Variants in PRUNE1 observed in about 807,000 individuals in gnomAD.
PRUNE1 encodes the protein prune exopolyphosphatase 1.
PRUNE1 carries 25 observed loss-of-function variants against 42.5 expected under a neutral mutation model. The observed-to-expected ratio is 0.59, with a 90% CI of 0.43 to 0.82. PRUNE1 has a LOEUF of 0.82. Among genes scored for constraint, PRUNE1 ranks in the 40% least tolerant of loss-of-function variants. PRUNE1 has a pLI of 0.00. For missense variants in PRUNE1, 443 were observed against 539.3 expected (o/e 0.82, Z 1.77); for synonymous variants, 203 against 217.1 (o/e 0.93, Z 0.57).
At chr1:151,030,558 T>A (rs1675181579) in intron 7 of PRUNE1, among the ~76,000 whole-genome samples, 1 of 152,158 alleles carries the variant, frequency 6.6e-6, no homozygotes, top group African/African-American at 2.4e-5. Flanking sequence ...TGGTGTGATC[T>A]TGGCTCACTG....
Position 151,018,529 on chromosome 1 carries a change from G to T in PRUNE1, c.195G>T (p.Leu65=). 6.2e-7 allele frequency: 1 copy of T among 1,613,562 alleles called. No homozygotes were observed. Residue 65 remains leucine, a synonymous_variant, in exon 3 of 8, where the codon CTG becomes CTT. Transcript: ENST00000271620. ...VLNIKRSELP[L]RGDIVFFLQK... is the part of the protein sequence containing the mutation. Reference sequence around the variant, plus strand: ...ATATAAAACGTTCTGAACTACCTCTGCGAGGTGACATTGTCTTCTTTCTTC... The same window carrying T: ...ATATAAAACGTTCTGAACTACCTCTTCGAGGTGACATTGTCTTCTTTCTTC...
In PRUNE1 at chr1:151,023,793, G is replaced by A. The variant is rs1263430361; in HGVS notation, c.336-818G>A. ...AAGGGTATAGGGTTGGAAAGGCAAC[G>A]CTAAAGGACAGCAAATGTGGGGGTA... On this transcript the variant is annotated intron_variant, in intron 3 of 7. Coordinates refer to ENST00000271620, the MANE Select transcript of PRUNE1 (RefSeq NM_021222.3). Among the ~76,000 whole-genome samples, 7 of 151,078 alleles carry A rather than the reference G, an allele frequency of 4.6e-5. No individual in the cohort carries two copies. In the South Asian group the frequency reaches 8.4e-4, roughly 18 times the overall value.
At chr1:151,027,415 A>G in intron 6 of PRUNE1, 88 bp downstream of exon 6, 1 of 906,598 alleles carries the variant, frequency 1.1e-6, no homozygotes, top group Non-Finnish European at 1.7e-6. Context: ...TTCCTGGCTC[A>G]CCTCCAAAAT....
chr1:151,029,633 C>A (rs1008064684), intron 7 of PRUNE1, among the ~76,000 whole-genome samples: 8 of 151,600 alleles, frequency 5.3e-5, no homozygotes, highest in African/African-American at 1.9e-4. Flanking sequence ...TCCCAAAGTG[C>A]TGGGATTACA....
rs759040906 is a variant in PRUNE1 at position 151,028,862 on chromosome 1, C to T, written c.851C>T (p.Ala284Val). ...GCTCACAGCTATGATGTCCTGGTTGCCATGACTATCTTTTTCAACACTCAC... is the reference window on the plus strand; with the variant it reads ...GCTCACAGCTATGATGTCCTGGTTGTCATGACTATCTTTTTCAACACTCAC... Reference protein sequence around the residue: ...CQAHSYDVLVAMTIFFNTHNE... With the variant: ...CQAHSYDVLVVMTIFFNTHNE... Residue 284 changes from alanine (A) to valine (V), a missense_variant, in exon 7 of 8, where the codon GCC (alanine) becomes GTC (valine). By Grantham distance (64) the Ala-to-Val change is moderately conservative. Coordinates refer to ENST00000271620, the MANE Select transcript of PRUNE1 (RefSeq NM_021222.3). 1 of 1,613,990 alleles carries T rather than the reference C, an allele frequency of 6.2e-7. No homozygotes were observed. Among genetic ancestry groups the T allele is most frequent in the South Asian group, 1.1e-5 (1 of 91,080 alleles).
intron 4 of PRUNE1, among the ~76,000 whole-genome samples, 164 bp from the exon 5 acceptor site, chr1:151,025,351 G>A (rs1482959661): frequency 6.6e-6 from 1 of 152,104 alleles, no homozygotes; most frequent in East Asian, 1.9e-4. Flanking sequence ...TTGGATTTGG[G>A]AGGTCTGAGG....
At chr1:151,018,038 C>A in intron 2 of PRUNE1, 134 bp downstream of exon 2, 1 of 643,638 alleles carries the variant, frequency 1.6e-6, no homozygotes, top group Non-Finnish European at 2.7e-6. Flanking sequence ...GAGTCTCATG[C>A]CACCATCCAT....
chr1:151,024,711 G>T lies in PRUNE1; in HGVS notation c.436G>T (p.Gly146Trp), dbSNP rs1674713735. 2 of 1,614,088 alleles carry T rather than the reference G, an allele frequency of 1.2e-6. No individual in the cohort carries two copies. The highest frequency in any genetic ancestry group is 1.7e-6 in the Non-Finnish European group (2 of 1,180,012). The change falls in exon 4 of 8, where the codon GGG (glycine) becomes TGG (tryptophan). Residue 146 changes from glycine to tryptophan, a missense_variant. Transcript: ENST00000271620. ...CTGCCATGTTTCAGTTGAGCTGGTG[G>T]GGTCCTGTGCTACCCTGGTGACCGA... ...PPCHVSVELV[G>W]SCATLVTERI...
intron 3 of PRUNE1, among the ~76,000 whole-genome samples, chr1:151,021,640 A>G (rs1337237697): frequency 6.6e-6 from 1 of 152,092 alleles, no homozygotes; most frequent in Non-Finnish European, 1.5e-5. Flanking sequence ...CATTGTGGTT[A>G]TAGCAGGATA....
chr1:151,027,790 G>GCA (rs1259170586), intron 6 of PRUNE1, among the ~76,000 whole-genome samples: 7 of 150,478 alleles, frequency 4.7e-5, no homozygotes, highest in African/African-American at 1.7e-4. Context: ...GTGCGCGCGC[G>GCA]TGTATGTATG....
In PRUNE1 at chr1:151,008,664, C is replaced by T. The variant is rs774257210; in HGVS notation, c.32C>T (p.Ala11Val). The T allele has an allele frequency of 7.4e-6, 12 of 1,614,016 alleles. No homozygotes were observed. The highest frequency in any genetic ancestry group is 8.5e-6 in the Non-Finnish European group (10 of 1,180,006). MEDYLQGCRAALQESRPLHVV... is the reference protein window; with the variant it reads MEDYLQGCRAVLQESRPLHVV... ...GACTACCTGCAGGGTTGTCGAGCTG[C>T]TCTGCAGGTAACGAATCCCTGTCTG... The change falls in exon 1 of 8, where the codon GCT becomes GTT. Residue 11 changes from alanine (A) to valine (V), a missense_variant. Ala to Val is a moderately conservative substitution (Grantham distance 64). Transcript: ENST00000271620.
chr1:151,029,619 G>C (rs587766331), intron 7 of PRUNE1, among the ~76,000 whole-genome samples: 1 of 151,596 alleles, frequency 6.6e-6, no homozygotes, highest in South Asian at 2.1e-4. Context: ...CGCCCGCCTT[G>C]GCCTCCCAAA....
At position 151,033,955 on chromosome 1, in the gene PRUNE1, A is replaced by G. The variant is rs1675405833; in HGVS notation, c.1083A>G (p.Ala361=). The part of the protein sequence containing the change: ...LLPLLQEALS[A]YFDSMKIPSG... Reference sequence around the variant, plus strand: ...CCCTGCTCCAGGAAGCCCTGTCAGCATATTTTGACTCCATGAAGATCCCTT... The same window carrying G: ...CCCTGCTCCAGGAAGCCCTGTCAGCGTATTTTGACTCCATGAAGATCCCTT... Residue 361 remains alanine, a synonymous_variant, in exon 8 of 8, where the codon GCA becomes GCG. Coordinates refer to ENST00000271620, the MANE Select transcript of PRUNE1 (RefSeq NM_021222.3). 1.2e-6 allele frequency: 2 copies of G among 1,614,056 alleles called. No homozygotes were observed. The highest frequency in any genetic ancestry group is 1.3e-5 in the African/African-American group (1 of 74,932).
chr1:151,033,440 G>A (rs1444888042), intron 7 of PRUNE1, among the ~76,000 whole-genome samples: 5 of 145,096 alleles, frequency 3.4e-5, no homozygotes, highest in African/African-American at 1.3e-4. Flanking sequence ...GCCCAGGCTG[G>A]AGTGCAGTGG....
chr1:151,023,057 A>G (rs587681530), intron 3 of PRUNE1, among the ~76,000 whole-genome samples: 89 of 152,326 alleles, frequency 5.8e-4, no homozygotes, highest in Non-Finnish European at 1.1e-3. Flanking sequence ...TAGGACATGG[A>G]AAAAGATGAG....
chr1:151,030,843 TACTC>T (rs1675197916), intron 7 of PRUNE1, among the ~76,000 whole-genome samples: 1 of 152,212 alleles, frequency 6.6e-6, no homozygotes, highest in South Asian at 2.1e-4. Flanking sequence ...GTTTGCCTCT[TACTC>T]ACTCTTTGAG....
Position 151,024,644 on chromosome 1 carries a change from G to A in PRUNE1, c.369G>A (p.Glu123=), listed in dbSNP as rs762922023. ...CAGCCCTAGAGGAGGCAGTAGCAGA[G>A]GTGCTAGACCATCGACCCATCGAGC... ...SDTALEEAVA[E]VLDHRPIEPK... is the part of the protein sequence containing the mutation. Residue 123 remains glutamate (E), a synonymous_variant, in exon 4 of 8, where the codon GAG becomes GAA. Transcript: ENST00000271620. The A allele has an allele frequency of 7.4e-6, 12 of 1,612,606 alleles. No individual in the cohort carries two copies. The highest frequency in any genetic ancestry group is 4.4e-5 in the South Asian group (4 of 91,072).
chr1:151,011,886 T>C (rs1673792343), intron 1 of PRUNE1, among the ~76,000 whole-genome samples: 1 of 152,012 alleles, frequency 6.6e-6, no homozygotes, highest in Non-Finnish European at 1.5e-5. Flanking sequence ...TCAAGTGATT[T>C]TCCTGCCTCA....
Position 151,024,693 on chromosome 1 carries a change from G to T in PRUNE1, c.418G>T (p.Val140Phe). The T allele has an allele frequency of 6.2e-7, 1 of 1,614,144 alleles. No homozygotes were observed. Among genetic ancestry groups the T allele is most frequent in the Non-Finnish European group, 8.5e-7 (1 of 1,179,998 alleles). Residue 140 changes from valine (V) to phenylalanine (F), a missense_variant, in exon 4 of 8, where the codon GTT (valine) becomes TTT (phenylalanine). Transcript: ENST00000271620. Reference sequence around the variant, plus strand: ...GCCGAAACACTGCCCTCCCTGCCATGTTTCAGTTGAGCTGGTGGGGTCCTG... The same window carrying T: ...GCCGAAACACTGCCCTCCCTGCCATTTTTCAGTTGAGCTGGTGGGGTCCTG... ...IEPKHCPPCH[V>F]SVELVGSCAT...
Sources: gnomAD v4.1 joint callset for allele counts (sites outside exome capture counted in the v4.1 genomes callset) on GRCh38, gnomAD v4.1.1 for gene constraint, MANE v1.5 for transcripts, NCBI Gene and HGNC (gene_info 2026-07-23, HGNC 2026-07-21) for gene names.